EYS: variants seen among roughly 807,000 people sequenced by gnomAD.
The protein encoded by EYS is protein eyes shut homolog.
In EYS, 250 loss-of-function variants were observed where a neutral mutation model predicts 282.1. The ratio of observed to expected loss-of-function variants is 0.89; its 90% CI spans 0.80 to 0.98. The LOEUF is 0.98. EYS is among the 50% of genes least tolerant of loss of function. The probability of loss-of-function intolerance (pLI) is 0.00; values close to 1 mark genes in which losing one functional copy is unlikely to be tolerated. For synonymous variants in EYS, 1,355 were observed against 1,282.9 expected (o/e 1.06, Z -1.20); for missense variants, 4,016 against 3,709.0 (o/e 1.08, Z -2.15).
intron 26 of EYS, among the ~76,000 whole-genome samples, chr6:64,575,813 T>G (rs1229865515): frequency 6.6e-6 from 1 of 152,080 alleles, no homozygotes; most frequent in Non-Finnish European, 1.5e-5. Flanking sequence ...CAGCAGTTTA[T>G]AAACTAAAGA....
intron 33 of EYS, among the ~76,000 whole-genome samples, chr6:63,999,959 A>G (rs1194645244): frequency 1.3e-5 from 2 of 152,160 alleles, no homozygotes; most frequent in Non-Finnish European, 2.9e-5. Context: ...GCACTGTTAT[A>G]AAGTTTATTT....
intron 14 of EYS, among the ~76,000 whole-genome samples, chr6:64,951,448 C>A (rs1769506224): frequency 6.6e-6 from 1 of 151,886 alleles, no homozygotes; most frequent in Non-Finnish European, 1.5e-5. Flanking sequence ...TTAGATGGAG[C>A]TTTTCAAAGT....
At chr6:65,439,277 G>A (rs2150390649) in intron 5 of EYS, among the ~76,000 whole-genome samples, 1 of 151,926 alleles carries the variant, frequency 6.6e-6, no homozygotes, top group Middle Eastern at 3.4e-3. Context: ...TAGTCAGGTA[G>A]AGTGATATCT....
At chr6:64,643,244 A>G (rs1186543608) in intron 22 of EYS, among the ~76,000 whole-genome samples, 1 of 152,200 alleles carries the variant, frequency 6.6e-6, no homozygotes, top group Admixed American at 6.5e-5. Flanking sequence ...TATAATTGGC[A>G]TCTAAATTTA....
intron 5 of EYS, among the ~76,000 whole-genome samples, chr6:65,445,796 G>C (rs1000514918): frequency 2.0e-5 from 3 of 151,648 alleles, no homozygotes; most frequent in Admixed American, 2.0e-4. Context: ...GATGTTCTCT[G>C]AACTTCCTTT....
At chr6:64,301,492 G>C (rs1328095322) in intron 30 of EYS, among the ~76,000 whole-genome samples, 1 of 152,218 alleles carries the variant, frequency 6.6e-6, no homozygotes, top group Non-Finnish European at 1.5e-5. Context: ...ATGCTTTCTA[G>C]AATGGGTTTT....
At chr6:65,603,522 C>CTGAATATTT (rs1290589604) in intron 2 of EYS, among the ~76,000 whole-genome samples, 3 of 151,692 alleles carry the variant, frequency 2.0e-5, no homozygotes, top group Admixed American at 6.6e-5. Context: ...TCTTTGAACC[C>CTGAATATTT]CCTGTTACCT....
At chr6:64,135,335 A>G (rs1774124518) in intron 31 of EYS, among the ~76,000 whole-genome samples, 1 of 152,114 alleles carries the variant, frequency 6.6e-6, no homozygotes, top group Non-Finnish European at 1.5e-5. Flanking sequence ...TACTATGAAC[A>G]TTATGCTGTA....
At chr6:65,319,260 A>G (rs978046843) in intron 11 of EYS, among the ~76,000 whole-genome samples, 1 of 149,514 alleles carries the variant, frequency 6.7e-6, no homozygotes, top group Non-Finnish European at 1.5e-5. Flanking sequence ...CATGCCTGTA[A>G]TCCCAGCTAC....
intron 26 of EYS, among the ~76,000 whole-genome samples, chr6:64,523,059 TC>T (rs531298177): frequency 1.3e-5 from 2 of 150,676 alleles, no homozygotes; most frequent in African/African-American, 2.5e-5. Context: ...GTTTTTTTTT[TC>T]CCCCTACAGG....
At chr6:64,829,776 G>T (rs1765161349) in intron 19 of EYS, among the ~76,000 whole-genome samples, 1 of 151,782 alleles carries the variant, frequency 6.6e-6, no homozygotes, top group Admixed American at 6.6e-5. Context: ...TATGGAATTG[G>T]GAACCAGGGG....
At chr6:64,361,945 G>GTA (rs1324355479) in intron 29 of EYS, among the ~76,000 whole-genome samples, 1 of 151,798 alleles carries the variant, frequency 6.6e-6, no homozygotes, top group Non-Finnish European at 1.5e-5. Flanking sequence ...TGCAATTGGA[G>GTA]TAAGTTGAAT....
intron 40 of EYS, among the ~76,000 whole-genome samples, chr6:63,765,551 A>C (rs1301056834): frequency 1.9e-4 from 29 of 151,890 alleles, no homozygotes; most frequent in Admixed American, 1.9e-3. Context: ...TCTGGGGTAC[A>C]TGACATGTTT....
At chr6:63,828,013 T>C (rs1582249609) in intron 36 of EYS, among the ~76,000 whole-genome samples, 1 of 152,038 alleles carries the variant, frequency 6.6e-6, no homozygotes, top group Non-Finnish European at 1.5e-5. Context: ...ACAATCAAGA[T>C]GGAAATTTAA....
intron 27 of EYS, among the ~76,000 whole-genome samples, chr6:64,436,610 A>G (rs577292397): frequency 6.6e-6 from 1 of 152,010 alleles, no homozygotes; most frequent in African/African-American, 2.4e-5. Flanking sequence ...CATAACAGCA[A>G]TTGAGCAAGG....
At chr6:64,764,611 C>T (rs1443960033) in intron 22 of EYS, among the ~76,000 whole-genome samples, 1 of 152,240 alleles carries the variant, frequency 6.6e-6, no homozygotes, top group African/African-American at 2.4e-5. Context: ...TAACATTTTG[C>T]CCATCTTTAC....
chr6:64,170,093 G>T (rs1460053264), intron 31 of EYS, among the ~76,000 whole-genome samples: 1 of 152,092 alleles, frequency 6.6e-6, no homozygotes, highest in Non-Finnish European at 1.5e-5. Context: ...AGCTGGGAGA[G>T]ACAGATGAAA....
intron 31 of EYS, among the ~76,000 whole-genome samples, chr6:64,151,233 G>A (rs1455309256): frequency 6.9e-6 from 1 of 144,584 alleles, no homozygotes; most frequent in Non-Finnish European, 1.5e-5. Flanking sequence ...AAGAATGTTT[G>A]TTAAAGTTAT....
At chr6:64,945,554 T>C (rs1238788791) in intron 15 of EYS, among the ~76,000 whole-genome samples, 3 of 152,136 alleles carry the variant, frequency 2.0e-5, no homozygotes, top group Non-Finnish European at 4.4e-5. Context: ...TTTGTATCAT[T>C]ACCATATTGG....
Sources: gnomAD v4.1 joint callset for allele counts (sites outside exome capture counted in the v4.1 genomes callset) on GRCh38, gnomAD v4.1.1 for gene constraint, MANE v1.5 for transcripts, NCBI Gene and HGNC (gene_info 2026-07-23, HGNC 2026-07-21) for gene names.